Variants in ANKRD11 observed in about 807,000 individuals in gnomAD.
ANKRD11 encodes the protein ankyrin repeat domain-containing protein 11.
ANKRD11 carries 17 observed loss-of-function variants against 195.7 expected under a neutral mutation model. The ratio of observed to expected loss-of-function variants is 0.09; its 90% CI spans 0.06 to 0.13. ANKRD11 has a LOEUF of 0.13. Among genes scored for constraint, ANKRD11 ranks in the 10% least tolerant of loss-of-function variants. The pLI is 1.00. For missense variants in ANKRD11, 3,735 were observed against 3,566.1 expected (o/e 1.05, Z -1.21); for synonymous variants, 1,953 against 1,528.1 (o/e 1.28, Z -6.49).
At chr16:89,322,284 G>A (rs189850288) in intron 2 of ANKRD11, among the ~76,000 whole-genome samples, 15 of 152,362 alleles carry the variant, frequency 9.8e-5, no homozygotes, top group African/African-American at 3.6e-4. Flanking sequence ...GACTCCCAGA[G>A]AGAAAGAGAA....
At position 89,457,336 on chromosome 16, in the gene ANKRD11, C is replaced by T. The variant is rs1029976388; in HGVS notation, c.-145+32909G>A. Reference sequence around the variant, plus strand: ...ATTCCAGGCCAGGCGCAGTGGCTCACGCCTGTAATCTCAGCACTTTGGGAG... The same window carrying T: ...ATTCCAGGCCAGGCGCAGTGGCTCATGCCTGTAATCTCAGCACTTTGGGAG... On this transcript the variant is annotated intron_variant, in intron 1 of 12. Transcript: ENST00000301030. Among the ~76,000 whole-genome samples the T allele has an allele frequency of 2.2e-4, 33 of 151,230 alleles. 1 individual carries two copies. Among genetic ancestry groups the T allele is most frequent in the African/African-American group, 6.1e-4 (25 of 41,302 alleles).
intron 1 of ANKRD11, among the ~76,000 whole-genome samples, chr16:89,486,771 C>T (rs1009955182): frequency 6.6e-5 from 10 of 151,992 alleles, no homozygotes; most frequent in South Asian, 6.2e-4. Context: ...TTTGGGAGGC[C>T]GAGGCAGGTG....
intron 2 of ANKRD11, among the ~76,000 whole-genome samples, chr16:89,407,365 A>G (rs891480106): frequency 2.6e-5 from 4 of 152,164 alleles, no homozygotes; most frequent in Non-Finnish European, 5.9e-5. Flanking sequence ...AGGTTTAAAG[A>G]AAGAGACAAC....
At chr16:89,437,911 T>G (rs1013104856) in intron 1 of ANKRD11, among the ~76,000 whole-genome samples, 19 of 152,028 alleles carry the variant, frequency 1.2e-4, no homozygotes, top group Admixed American at 1.2e-3. Flanking sequence ...GGCTGTGGAG[T>G]TGGGCAGCCA....
chr16:89,349,891 C>T (rs944707916), intron 2 of ANKRD11, among the ~76,000 whole-genome samples: 5 of 137,502 alleles, frequency 3.6e-5, no homozygotes, highest in Non-Finnish European at 6.4e-5. Flanking sequence ...CACACACACA[C>T]ACACACACAC....
chr16:89,435,627 C>T (rs2043182636), intron 1 of ANKRD11, among the ~76,000 whole-genome samples: 1 of 152,072 alleles, frequency 6.6e-6, no homozygotes, highest in Non-Finnish European at 1.5e-5. Context: ...CCGCGAGGGT[C>T]CACAGCTTCA....
intron 4 of ANKRD11, 125 bp downstream of exon 4, chr16:89,305,081 G>A (rs1055000579): frequency 1.1e-5 from 16 of 1,414,802 alleles, no homozygotes; most frequent in Admixed American, 6.6e-5. Flanking sequence ...TTGCCTGGAC[G>A]GCGTGCAGGG....
chr16:89,353,669 A>G lies in ANKRD11; in HGVS notation c.-59-36591T>C, dbSNP rs550637693. ...ATTTCTTTGTATTTTTAGTAGAGAC[A>G]GGGTTTCATCATGTTGGCCAGGCTG... is the stretch of plus-strand genomic sequence containing the variant. On this transcript the variant is annotated intron_variant, in intron 2 of 12. Transcript: ENST00000301030. 6.0e-4 allele frequency among the ~76,000 whole-genome samples: 92 copies of G among 152,208 alleles called. 3 individuals are homozygous for G. In the South Asian group the frequency reaches 0.018, roughly 29 times the overall value.
intron 2 of ANKRD11, among the ~76,000 whole-genome samples, chr16:89,363,356 A>G (rs550335621): frequency 3.9e-5 from 6 of 152,316 alleles, no homozygotes; most frequent in Admixed American, 3.3e-4. Context: ...AGTCTGCATT[A>G]GGAGATATAC....
chr16:89,281,603 G>A lies in ANKRD11; in HGVS notation c.4939C>T (p.Pro1647Ser). ...IPAKKPPGLD[P>S]PFKDKKLKES... ...TTGAGCTTTTTGTCTTTAAATGGAGGGTCCAGCCCCGGCGGTTTCTTAGCA... is the reference window on the plus strand; with the variant it reads ...TTGAGCTTTTTGTCTTTAAATGGAGAGTCCAGCCCCGGCGGTTTCTTAGCA... Residue 1647 changes from proline (P) to serine (S), a missense_variant, in exon 9 of 13, where the codon CCT becomes TCT. By Grantham distance (74) the Pro-to-Ser change is moderately conservative (BLOSUM62 -1). Transcript: ENST00000301030. This position sits in a 1 kb window ranked among gnomAD's most constrained non-coding sequence, Gnocchi z 5.5. 7 of 1,614,154 alleles carry A rather than the reference G, an allele frequency of 4.3e-6. No homozygotes were observed. Among genetic ancestry groups the A allele is most frequent in the Non-Finnish European group, 5.9e-6 (7 of 1,180,010 alleles).
intron 1 of ANKRD11, among the ~76,000 whole-genome samples, chr16:89,467,498 G>C (rs1054525807): frequency 1.3e-5 from 2 of 152,044 alleles, no homozygotes; most frequent in African/African-American, 4.8e-5. Flanking sequence ...AAGTAGCTGG[G>C]ACTACAGGCA....
intron 2 of ANKRD11, among the ~76,000 whole-genome samples, chr16:89,407,471 G>A (rs1191559466): frequency 1.3e-5 from 2 of 151,962 alleles, no homozygotes; most frequent in Non-Finnish European, 1.5e-5. Flanking sequence ...AGCCAAAAAG[G>A]AACCACGTTC....
At chr16:89,485,441 C>G (rs775486685) in intron 1 of ANKRD11, among the ~76,000 whole-genome samples, 4 of 152,102 alleles carry the variant, frequency 2.6e-5, no homozygotes, top group Non-Finnish European at 5.9e-5. Flanking sequence ...TTGCTATGAC[C>G]CAAGATCGTG....
chr16:89,406,636 C>T (rs1258257051), intron 2 of ANKRD11, among the ~76,000 whole-genome samples: 4 of 152,198 alleles, frequency 2.6e-5, no homozygotes, highest in East Asian at 1.9e-4. Flanking sequence ...GGCAGGACAT[C>T]AGACACAGGG....
chr16:89,425,239 G>T (rs1391999500), intron 1 of ANKRD11, among the ~76,000 whole-genome samples: 1 of 152,148 alleles, frequency 6.6e-6, no homozygotes, highest in Non-Finnish European at 1.5e-5. Flanking sequence ...CCCTAGAAGT[G>T]TGAGAAATTT....
chr16:89,387,924 C>T (rs1349104751), intron 2 of ANKRD11, among the ~76,000 whole-genome samples: 1 of 146,750 alleles, frequency 6.8e-6, no homozygotes, highest in African/African-American at 2.5e-5. Context: ...GCAGGAGAAT[C>T]GCTTCTTGAA....
chr16:89,370,276 C>A (rs761817227), intron 2 of ANKRD11, among the ~76,000 whole-genome samples: 4 of 152,200 alleles, frequency 2.6e-5, no homozygotes, highest in Non-Finnish European at 4.4e-5. Flanking sequence ...TGGGCCTGTG[C>A]CCAACTATGT....
At chr16:89,295,145 T>G (rs1003699835) in intron 4 of ANKRD11, among the ~76,000 whole-genome samples, 16 of 151,708 alleles carry the variant, frequency 1.1e-4, no homozygotes, top group African/African-American at 2.7e-4. Context: ...GACCCCGGGG[T>G]GGGGGTGGGA....
At position 89,281,207 on chromosome 16, in the gene ANKRD11, G is replaced by A. The variant is rs147706206; in HGVS notation, c.5335C>T (p.Pro1779Ser). 20 of 1,614,094 alleles carry A rather than the reference G, an allele frequency of 1.2e-5. No homozygotes were observed. The African/African-American group carries it at 2.5e-4, about 20-fold the overall frequency. Residue 1779 changes from proline (P) to serine (S), a missense_variant, in exon 9 of 13, where the codon CCT becomes TCT. Transcript: ENST00000301030. The surrounding 1 kb of genome is among the most constrained non-coding windows in gnomAD (Gnocchi z 5.5). ...AGGTTTGTGGAGAGAGGCCTGGCAG[G>A]AGCCTGGCTGGCGTTTTCCGAAAGC... The part of the protein sequence containing the change: ...SGLSENASQA[P>S]ARPLSTNLYR...
Sources: allele counts gnomAD v4.1 joint callset (sites outside exome capture counted in the v4.1 genomes callset), GRCh38; gene constraint gnomAD v4.1.1; non-coding constraint Gnocchi (gnomAD v3.1); transcripts MANE v1.5; gene names NCBI Gene and HGNC (gene_info 2026-07-23, HGNC 2026-07-21).